VPS13B: variants seen among roughly 807,000 people sequenced by gnomAD.
VPS13B encodes the protein vacuolar protein sorting 13 homolog B.
VPS13B carries 285 observed loss-of-function variants against 426.4 expected under a neutral mutation model. The observed-to-expected ratio is 0.67, with a 90% CI of 0.61 to 0.74. VPS13B has a LOEUF of 0.74. Ranked by LOEUF, VPS13B falls within the 30% of genes least tolerant of loss-of-function variation. VPS13B has a pLI of 0.00. For missense variants in VPS13B, 4,537 were observed against 4,782.6 expected, an observed-to-expected ratio of 0.95 and a Z score of 1.51; for synonymous variants, 1,676 against 1,676.4, an observed-to-expected ratio of 1.00 and a Z score of 0.01.
intron 19 of VPS13B, among the ~76,000 whole-genome samples, chr8:99,284,658 C>T (rs1164082105): frequency 6.6e-6 from 1 of 151,996 alleles, no homozygotes; most frequent in Non-Finnish European, 1.5e-5. Flanking sequence ...CCAAGAGATC[C>T]TCCTCCCTCA....
intron 3 of VPS13B, among the ~76,000 whole-genome samples, chr8:99,090,994 A>C (rs992421709): frequency 6.6e-6 from 1 of 152,200 alleles, no homozygotes; most frequent in Non-Finnish European, 1.5e-5. Context: ...ATACCCACCA[A>C]TATGAAGGAA....
intron 15 of VPS13B, 131 bp downstream of exon 15, chr8:99,156,874 A>C: frequency 1.3e-6 from 1 of 787,582 alleles, no homozygotes; most frequent in South Asian, 2.0e-5. Flanking sequence ...ATAAGAAATA[A>C]GATGTATTTA....
chr8:99,146,914 A>G (rs765291174), intron 13 of VPS13B, among the ~76,000 whole-genome samples: 5 of 151,990 alleles, frequency 3.3e-5, no homozygotes, highest in Non-Finnish European at 7.4e-5. Flanking sequence ...TATTTTTCTC[A>G]TGGAAAAGTC....
chr8:99,481,905 G>A (rs1315522245), intron 25 of VPS13B, 103 bp downstream of exon 25: 1 of 1,340,230 alleles, frequency 7.5e-7, no homozygotes, highest in East Asian at 2.5e-5. Context: ...TGTGAAAACT[G>A]ATAGATTCTG....
At chr8:99,579,926 G>A (rs184265821) in intron 33 of VPS13B, among the ~76,000 whole-genome samples, 57 of 152,012 alleles carry the variant, frequency 3.7e-4, no homozygotes, top group East Asian at 3.7e-3. Context: ...TTGAACTCCC[G>A]ACCTCAGGTG....
At chr8:99,688,778 A>G (rs1208317708) in intron 35 of VPS13B, among the ~76,000 whole-genome samples, 3 of 152,054 alleles carry the variant, frequency 2.0e-5, no homozygotes, top group Non-Finnish European at 2.9e-5. Context: ...AATGTATGTA[A>G]TGTATATACA....
At chr8:99,368,461 T>G (rs1813004692) in intron 19 of VPS13B, among the ~76,000 whole-genome samples, 1 of 152,242 alleles carries the variant, frequency 6.6e-6, no homozygotes, top group Non-Finnish European at 1.5e-5. Context: ...ATTCATTTTT[T>G]TTAGTCCATT....
intron 25 of VPS13B, among the ~76,000 whole-genome samples, chr8:99,495,392 A>G (rs151048532): frequency 1.5e-4 from 23 of 152,118 alleles, no homozygotes; most frequent in African/African-American, 5.3e-4. Flanking sequence ...ATTTTCTTTT[A>G]TTTTTTATCA....
chr8:99,216,489 CATGAATGA>C (rs149012332), intron 17 of VPS13B, among the ~76,000 whole-genome samples: 10 of 151,284 alleles, frequency 6.6e-5, no homozygotes, highest in South Asian at 2.1e-4. Flanking sequence ...TAGCATATCA[CATGAATGA>C]ATGAATGAAT....
chr8:99,830,747 C>T (rs556957776), intron 51 of VPS13B, among the ~76,000 whole-genome samples: 1 of 152,320 alleles, frequency 6.6e-6, no homozygotes, highest in African/African-American at 2.4e-5. Context: ...CAGAGGCAAT[C>T]TCCTGGTCTG....
chr8:99,188,852 C>T (rs555488101), intron 16 of VPS13B, among the ~76,000 whole-genome samples: 2 of 152,098 alleles, frequency 1.3e-5, no homozygotes, highest in East Asian at 3.9e-4. Context: ...CGCTTATTGG[C>T]CATTTGTATA....
intron 3 of VPS13B, among the ~76,000 whole-genome samples, chr8:99,064,483 C>T (rs1020006696): frequency 3.9e-5 from 6 of 152,030 alleles, no homozygotes; most frequent in East Asian, 1.9e-4. Flanking sequence ...ATAGCTGATT[C>T]GATCAAGTTG....
intron 16 of VPS13B, among the ~76,000 whole-genome samples, chr8:99,170,525 T>G (rs1452816516): frequency 1.3e-5 from 2 of 151,934 alleles, no homozygotes; most frequent in Admixed American, 6.6e-5. Flanking sequence ...CCAAAGTATT[T>G]ATCTATTAAA....
chr8:99,711,499 C>G (rs1048367268), intron 36 of VPS13B, among the ~76,000 whole-genome samples: 2 of 151,604 alleles, frequency 1.3e-5, no homozygotes, highest in African/African-American at 4.9e-5. Context: ...GCCTGAGTTA[C>G]GGGCAAATAA....
At chr8:99,014,692 C>CAAA (rs574786628) in intron 2 of VPS13B, among the ~76,000 whole-genome samples, 2 of 61,232 alleles carry the variant, frequency 3.3e-5, no homozygotes, top group Non-Finnish European at 4.0e-5. Context: ...GAAAAAAAGA[C>CAAA]AAAAAAAAAA....
chr8:99,114,619 C>T (rs1360003308), intron 6 of VPS13B, among the ~76,000 whole-genome samples: 3 of 152,144 alleles, frequency 2.0e-5, no homozygotes, highest in African/African-American at 7.2e-5. Context: ...ACACTCATTC[C>T]CCGCTTTCTT....
chr8:99,435,410 T>C (rs919952023), intron 22 of VPS13B, among the ~76,000 whole-genome samples: 1 of 152,148 alleles, frequency 6.6e-6, no homozygotes, highest in African/African-American at 2.4e-5. Flanking sequence ...TGAAAGATAG[T>C]ATTGGATTAC....
At chr8:99,496,760 C>G (rs989197156) in intron 25 of VPS13B, among the ~76,000 whole-genome samples, 5 of 152,028 alleles carry the variant, frequency 3.3e-5, no homozygotes, top group Non-Finnish European at 7.4e-5. Flanking sequence ...TTACAGGATA[C>G]TTTCATAACC....
chr8:99,608,150 CTTT>C (rs200976473), intron 33 of VPS13B, among the ~76,000 whole-genome samples: 16 of 138,416 alleles, frequency 1.2e-4, no homozygotes, highest in Admixed American at 1.5e-4. Flanking sequence ...TTTTAATCTA[CTTT>C]TTTTTTTTTT....
Sources: allele counts gnomAD v4.1 joint callset (sites outside exome capture counted in the v4.1 genomes callset), GRCh38; gene constraint gnomAD v4.1.1; transcripts MANE v1.5; gene names NCBI Gene and HGNC (gene_info 2026-07-23, HGNC 2026-07-21).